Variants in MLLT3 observed in about 807,000 individuals in gnomAD.
The protein encoded by MLLT3 is MLLT3 super elongation complex subunit, also known as protein AF-9.
In MLLT3, 4 loss-of-function variants were observed where a neutral mutation model predicts 53.2. The ratio of observed to expected loss-of-function variants is 0.08; its 90% CI spans 0.04 to 0.17. MLLT3 has a LOEUF of 0.17. Ranked by LOEUF, MLLT3 falls within the 10% of genes least tolerant of loss-of-function variation. MLLT3 has a pLI of 1.00. For synonymous variants in MLLT3, 283 were observed against 230.6 expected (o/e 1.23, Z -2.06); for missense variants, 569 against 684.0 (o/e 0.83, Z 1.87).
At chr9:20,571,614 T>C (rs1819534878) in intron 2 of MLLT3, among the ~76,000 whole-genome samples, 1 of 152,092 alleles carries the variant, frequency 6.6e-6, no homozygotes, top group Non-Finnish European at 1.5e-5. Flanking sequence ...AGACAGGCCC[T>C]GGTGTGTGAT....
intron 6 of MLLT3, among the ~76,000 whole-genome samples, chr9:20,364,632 C>A (rs375814717): frequency 2.0e-5 from 3 of 152,122 alleles, no homozygotes; most frequent in African/African-American, 7.2e-5. Context: ...CTTTGGAAGT[C>A]AGTGAAACAA....
chr9:20,561,485 T>C lies in MLLT3; in HGVS notation c.193+59169A>G, dbSNP rs554087501. On this transcript the variant is annotated intron_variant, in intron 2 of 10. Coordinates refer to ENST00000380338, the MANE Select transcript of MLLT3 (RefSeq NM_004529.4). ...AACTATTATCCTTCTATGCTAATGA[T>C]TGCTGGTTTTAATCATCGTCCTTAT... Among the ~76,000 whole-genome samples, 16 of 152,324 alleles carry C rather than the reference T, an allele frequency of 1.1e-4. No homozygotes were observed. In the Middle Eastern group the frequency reaches 0.01, roughly 98 times the overall value.
At chr9:20,550,065 A>G (rs1237926233) in intron 2 of MLLT3, among the ~76,000 whole-genome samples, 1 of 152,210 alleles carries the variant, frequency 6.6e-6, no homozygotes, top group Non-Finnish European at 1.5e-5. Flanking sequence ...ACCCACTTCA[A>G]TAATGGGGGC....
At position 20,414,333 on chromosome 9, in the gene MLLT3, G is replaced by GCTGCTGCTA; in HGVS notation, c.512_513insTAGCAGCAG (p.Ser188_Ser190dup). On this transcript the variant is annotated inframe_insertion, in exon 5 of 11. Transcript: ENST00000380338. ...TGCTACTGCTGCTGCTGCTGCTGCTGCTGCTGCTGCTACTGCTGCTGCTGC... is the reference window on the plus strand; with the variant it reads ...TGCTACTGCTGCTGCTGCTGCTGCTGCTGCTGCTACTGCTGCTGCTACTGCTGCTGCTGC... The GCTGCTGCTA allele has an allele frequency of 6.2e-7, 1 of 1,606,046 alleles. No individual in the cohort carries two copies. The highest frequency in any genetic ancestry group is 8.5e-7 in the Non-Finnish European group (1 of 1,177,674).
At chr9:20,470,103 G>C (rs1824344497) in intron 2 of MLLT3, among the ~76,000 whole-genome samples, 1 of 151,884 alleles carries the variant, frequency 6.6e-6, no homozygotes, top group African/African-American at 2.4e-5. Context: ...TTGTTGACTT[G>C]AATGTCCAGT....
chr9:20,599,295 C>T (rs1820356096), intron 2 of MLLT3, among the ~76,000 whole-genome samples: 1 of 146,474 alleles, frequency 6.8e-6, no homozygotes, highest in East Asian at 2.0e-4. Context: ...CAGAGTAAGA[C>T]TCTGTCTCCA....
intron 4 of MLLT3, among the ~76,000 whole-genome samples, chr9:20,423,821 G>C (rs1186427913): frequency 6.6e-6 from 1 of 151,804 alleles, no homozygotes; most frequent in African/African-American, 2.4e-5. Context: ...GCTGAGTGTG[G>C]TGGTGGTGCA....
At chr9:20,384,391 C>CT (rs1452151172) in intron 5 of MLLT3, among the ~76,000 whole-genome samples, 1 of 151,990 alleles carries the variant, frequency 6.6e-6, no homozygotes, top group Non-Finnish European at 1.5e-5. Flanking sequence ...CCAATTATTT[C>CT]TTTTTTCTTT....
rs140595372 is a variant in MLLT3 at position 20,396,049 on chromosome 9, C to T, written c.1125+17672G>A. Reference sequence around the variant, plus strand: ...CAGTAGACAAGATGAAGCATAAAGGCAAAAGTTAACTAATACATACGAATA... The same window carrying T: ...CAGTAGACAAGATGAAGCATAAAGGTAAAAGTTAACTAATACATACGAATA... On this transcript the variant is annotated intron_variant, in intron 5 of 10. Transcript: ENST00000380338. 2.8e-3 allele frequency among the ~76,000 whole-genome samples: 425 copies of T among 152,204 alleles called. 4 individuals carry two copies. Among genetic ancestry groups the T allele is most frequent in the African/African-American group, 9.4e-3 (390 of 41,536 alleles).
chr9:20,612,290 G>C (rs908724159), intron 2 of MLLT3, among the ~76,000 whole-genome samples: 28 of 152,222 alleles, frequency 1.8e-4, no homozygotes, highest in African/African-American at 6.7e-4. Context: ...AATCTCAAGT[G>C]TCCTTTCCAG....
intron 3 of MLLT3, among the ~76,000 whole-genome samples, chr9:20,451,842 T>C (rs1823846809): frequency 6.6e-6 from 1 of 152,218 alleles, no homozygotes; most frequent in African/African-American, 2.4e-5. Context: ...CAAACATAAA[T>C]TGATTATGTT....
At chr9:20,602,069 TAAA>T (rs1820437656) in intron 2 of MLLT3, among the ~76,000 whole-genome samples, 3 of 152,092 alleles carry the variant, frequency 2.0e-5, no homozygotes, top group Admixed American at 2.0e-4. Context: ...ATCCCAGAAG[TAAA>T]ACAATTCAGC....
At chr9:20,529,421 T>A (rs1301235996) in intron 2 of MLLT3, among the ~76,000 whole-genome samples, 1 of 152,222 alleles carries the variant, frequency 6.6e-6, no homozygotes, top group African/African-American at 2.4e-5. Context: ...TAAAAACTGA[T>A]GCATGACACT....
chr9:20,504,005 T>C (rs1019893456), intron 2 of MLLT3, among the ~76,000 whole-genome samples: 7 of 151,996 alleles, frequency 4.6e-5, no homozygotes, highest in African/African-American at 2.4e-5. Context: ...CAATGAGATA[T>C]CACTTCACAC....
intron 8 of MLLT3, among the ~76,000 whole-genome samples, chr9:20,359,677 C>G (rs1043086985): frequency 6.6e-6 from 1 of 152,220 alleles, no homozygotes; most frequent in African/African-American, 2.4e-5. Flanking sequence ...CAGCTCTAAA[C>G]TAACATTTTC....
rs1220930147 is a variant in MLLT3, at chr9:20,346,482, A to T, written c.1668T>A (p.Arg556=). The change falls in exon 11 of 11, where the codon CGT becomes CGA. Residue 556 remains arginine (R), a synonymous_variant. Coordinates refer to ENST00000380338, the MANE Select transcript of MLLT3 (RefSeq NM_004529.4). Reference sequence around the variant, plus strand: ...ATGTTTCCAGGTAACTCTGTAGTTTACGGACTGTGGTTTTGTCCAGCGAGC... The same window carrying T: ...ATGTTTCCAGGTAACTCTGTAGTTTTCGGACTGTGGTTTTGTCCAGCGAGC... ...DLCSLDKTTV[R]KLQSYLETSG... 1 of 1,613,552 alleles carries T rather than the reference A, an allele frequency of 6.2e-7. No homozygotes were observed. Among genetic ancestry groups the T allele is most frequent in the Non-Finnish European group, 8.5e-7 (1 of 1,179,696 alleles).
chr9:20,600,354 G>A (rs1820390156), intron 2 of MLLT3, among the ~76,000 whole-genome samples: 4 of 152,158 alleles, frequency 2.6e-5, no homozygotes, highest in Admixed American at 2.6e-4. Context: ...TATCCTCCAT[G>A]TTTACTGCAG....
intron 4 of MLLT3, among the ~76,000 whole-genome samples, chr9:20,443,525 A>G (rs1364250837): frequency 1.3e-5 from 2 of 152,086 alleles, no homozygotes; most frequent in African/African-American, 4.8e-5. Context: ...CAAGCAAAAT[A>G]CAAACAGAGT....
chr9:20,406,140 C>G (rs1457026140), intron 5 of MLLT3, among the ~76,000 whole-genome samples: 1 of 151,758 alleles, frequency 6.6e-6, no homozygotes, highest in Non-Finnish European at 1.5e-5. Context: ...GAAAAAAAAG[C>G]CTTCTCCTGT....
Sources: gnomAD v4.1 joint callset for allele counts (sites outside exome capture counted in the v4.1 genomes callset) on GRCh38, gnomAD v4.1.1 for gene constraint, MANE v1.5 for transcripts, NCBI Gene and HGNC (gene_info 2026-07-23, HGNC 2026-07-21) for gene names.